ATP6V0A1: variants seen among roughly 807,000 people sequenced by gnomAD.
The protein encoded by ATP6V0A1 is V-type proton ATPase 116 kDa subunit a 1.
A neutral mutation model predicts 105.4 loss-of-function variants in ATP6V0A1; 43 were observed. The ratio of observed to expected loss-of-function variants is 0.41; its 90% CI spans 0.32 to 0.53. ATP6V0A1 has a LOEUF of 0.53. Among genes scored for constraint, ATP6V0A1 ranks in the 20% least tolerant of loss-of-function variants. The pLI, the probability that ATP6V0A1 is intolerant of heterozygous loss-of-function variation, is 0.30. For synonymous variants in ATP6V0A1, 362 were observed against 372.8 expected (o/e 0.97, Z 0.33); for missense variants, 676 against 1,051.1 (o/e 0.64, Z 4.93).
chr17:42,518,566 G>A (rs545966653), intron 21 of ATP6V0A1: 2 of 152,468 alleles, frequency 1.3e-5, no homozygotes, highest in East Asian at 1.9e-4. Context: ...GGGAAGGGAA[G>A]CGGCCCCAAG....
chr17:42,484,286 T>C (rs1245120180), intron 9 of ATP6V0A1, among the ~76,000 whole-genome samples: 1 of 152,006 alleles, frequency 6.6e-6, no homozygotes, highest in Non-Finnish European at 1.5e-5. Context: ...CTCGATCTCC[T>C]GACCGTGTGA....
intron 17 of ATP6V0A1, among the ~76,000 whole-genome samples, chr17:42,502,612 T>C (rs1270610040): frequency 2.0e-5 from 3 of 152,152 alleles, no homozygotes; most frequent in African/African-American, 7.2e-5. Context: ...ACGATCTTGT[T>C]GCATGACTCT....
At position 42,521,025 on chromosome 17, in the gene ATP6V0A1, A is replaced by G; in HGVS notation, c.2421-2A>G. 1.9e-6 allele frequency: 3 copies of G among 1,592,268 alleles called. No homozygotes were observed. Among genetic ancestry groups the G allele is most frequent in the Non-Finnish European group, 2.6e-6 (3 of 1,169,668 alleles). ...GACAGCTTTCTTCTTCTCTTTCTCC[A>G]GGGTTGAGTTCCAGAATAAATTCTA... On this transcript the variant is annotated splice_acceptor_variant, in intron 21 of 21. Coordinates refer to ENST00000343619, the MANE Select transcript of ATP6V0A1 (RefSeq NM_001130021.3). LOFTEE classifies it high-confidence loss of function. The surrounding 1 kb of genome is among the most constrained non-coding windows in gnomAD (Gnocchi z 4.8).
In ATP6V0A1 at chr17:42,516,448, T is replaced by C. The variant is rs139654618; in HGVS notation, c.2420+1988T>C. 6.4e-4 allele frequency among the ~76,000 whole-genome samples: 97 copies of C among 152,276 alleles called. No individual in the cohort carries two copies. In the Middle Eastern group the frequency reaches 0.01, roughly 16 times the overall value. ...CCCCACCCAGCTCATCTGGCTGGCC[T>C]CCCTGTTCTAAGCTTATCAGCCGAC... On this transcript the variant is annotated intron_variant, in intron 21 of 21. Transcript: ENST00000343619.
chr17:42,494,785 G>A (rs11651671), intron 12 of ATP6V0A1: 115,441 of 472,276 alleles, frequency 0.24, 15,842 homozygotes, highest in Non-Finnish European at 0.28. Context: ...AAGTTATTGC[G>A]GTTTTGGCTG....
At chr17:42,464,278 C>T (rs946347446) in intron 2 of ATP6V0A1, among the ~76,000 whole-genome samples, 4 of 152,100 alleles carry the variant, frequency 2.6e-5, no homozygotes, top group East Asian at 1.9e-4. Context: ...AAGACTGGGA[C>T]GTAGCTTATT....
Position 42,483,026 on chromosome 17 carries a change from C to A in ATP6V0A1, c.717-12C>A, listed in dbSNP as rs1227430717. On this transcript the variant is annotated splice_polypyrimidine_tract_variant and intron_variant, in intron 8 of 21. Transcript: ENST00000343619. ...AGATAAGTTAAGAAACTTCGATGTT[C>A]TTATATTCCAGGTTCCGAGCCTCAC... The A allele has an allele frequency of 2.8e-6, 4 of 1,447,630 alleles. No individual in the cohort carries two copies. Among genetic ancestry groups the A allele is most frequent in the Non-Finnish European group, 3.7e-6 (4 of 1,088,838 alleles). The allele number at this position is 1,447,630 out of a possible 1,614,324, so 89.7% of individuals were successfully genotyped here.
chr17:42,472,070 C>T (rs1230813581), intron 5 of ATP6V0A1, among the ~76,000 whole-genome samples: 2 of 128,662 alleles, frequency 1.6e-5, no homozygotes, highest in Non-Finnish European at 1.6e-5. Context: ...TTTTTTTTTC[C>T]CGAGACAAAG....
rs1397986708 is a variant in ATP6V0A1, at chr17:42,519,636, GAGA to G, written c.2421-1388_2421-1386del. ...AGGTGGTCTCAGTAGCTGGAACTTG[GAGA>G]AGTAGTTTTGGTGGGGTGTTGGGAC... On this transcript the variant is annotated intron_variant, in intron 21 of 21. Transcript: ENST00000343619. 7 of 152,352 alleles carry G rather than the reference GAGA, an allele frequency of 4.6e-5. No individual in the cohort carries two copies. The East Asian group carries it at 1.3e-3, about 29-fold the overall frequency. 9.4% of individuals were successfully genotyped at this position (152,352 alleles called of 1,614,324 possible).
At position 42,521,420 on chromosome 17, in the gene ATP6V0A1, C is replaced by T. The variant is rs1294958716; in HGVS notation, c.*300C>T. On this transcript the variant is annotated 3_prime_UTR_variant, in exon 22 of 22. Transcript: ENST00000343619. The surrounding 1 kb of genome is among the most constrained non-coding windows in gnomAD (Gnocchi z 4.8). ...GGTGGTGAGCCAGTCTGCATTCCCA[C>T]GCCATCCCAAAGCCCTTTCATCTTC... The T allele has an allele frequency of 2.1e-5, 5 of 239,870 alleles. No individual in the cohort carries two copies. The highest frequency in any genetic ancestry group is 1.1e-4 in the Admixed American group (2 of 17,732). 14.9% of individuals were successfully genotyped at this position (239,870 alleles called of 1,614,324 possible). A position where few individuals can be genotyped will look rare whatever the true frequency, so the allele number is the denominator to read the frequency against.
At chr17:42,494,625 C>A in intron 12 of ATP6V0A1, 152 bp downstream of exon 12, 2 of 970,062 alleles carry the variant, frequency 2.1e-6, no homozygotes, top group Non-Finnish European at 2.9e-6. Context: ...ACGACATGTG[C>A]AAGCTGGAAG....
intron 15 of ATP6V0A1, among the ~76,000 whole-genome samples, chr17:42,499,480 AAAT>A (rs2091483694): frequency 6.6e-6 from 1 of 150,998 alleles, no homozygotes; most frequent in African/African-American, 2.4e-5. Flanking sequence ...CAAAAAAAAT[AAAT>A]AAATAAATAA....
chr17:42,474,862 A>G (rs1598765752), intron 5 of ATP6V0A1, among the ~76,000 whole-genome samples: 2 of 152,356 alleles, frequency 1.3e-5, no homozygotes, highest in East Asian at 3.9e-4. Context: ...TGAAAAATAA[A>G]CATATTGAAT....
rs1218104452 is a variant in ATP6V0A1, at chr17:42,470,170, G to C, written c.375G>C (p.Leu125=). The C allele has an allele frequency of 6.2e-7, 1 of 1,612,652 alleles. No homozygotes were observed. Among genetic ancestry groups the C allele is most frequent in the African/African-American group, 1.3e-5 (1 of 74,898 alleles). Residue 125 remains leucine, a synonymous_variant, in exon 5 of 22, where the codon CTG becomes CTC. Coordinates refer to ENST00000343619, the MANE Select transcript of ATP6V0A1 (RefSeq NM_001130021.3). ...CTCTGAAGAGAAACTTCCTGGAACT[G>C]ACCGAATTAAAATTTATACTTCGCA... The part of the protein sequence containing the change: ...QEALKRNFLE[L]TELKFILRKT...
intron 9 of ATP6V0A1, among the ~76,000 whole-genome samples, chr17:42,486,927 A>G (rs939467734): frequency 3.3e-5 from 5 of 152,158 alleles, no homozygotes; most frequent in Admixed American, 3.3e-4. Context: ...GAAAAGCTAA[A>G]CTATTTTCTC....
intron 9 of ATP6V0A1, among the ~76,000 whole-genome samples, chr17:42,486,013 TC>T (rs1290802726): frequency 1.3e-5 from 2 of 152,194 alleles, no homozygotes; most frequent in Non-Finnish European, 2.9e-5. Context: ...ACTGCTTTGT[TC>T]TGAACTAACT....
chr17:42,508,223 G>A (rs1014950774), intron 18 of ATP6V0A1, among the ~76,000 whole-genome samples: 1 of 152,126 alleles, frequency 6.6e-6, no homozygotes, highest in Non-Finnish European at 1.5e-5. Context: ...CAAAGCCTCT[G>A]AACTGAACTA....
rs1409493822 is a variant in ATP6V0A1 at position 42,494,326 on chromosome 17, C to T, written c.1175-8C>T. 2 of 1,600,720 alleles carry T rather than the reference C, an allele frequency of 1.2e-6. No individual in the cohort carries two copies. The highest frequency in any genetic ancestry group is 1.7e-5 in the Admixed American group (1 of 57,458). On this transcript the variant is annotated splice_polypyrimidine_tract_variant and splice_region_variant and intron_variant, in intron 11 of 21. Transcript: ENST00000343619. ...CTTTGTATTTTTCTTTTTTTGGTTT[C>T]TTCATAGCTCCGTATACTATTATCA...
chr17:42,470,521 T>G (rs943292223), intron 5 of ATP6V0A1: 2 of 250,218 alleles, frequency 8.0e-6, no homozygotes, highest in Non-Finnish European at 1.6e-5. Context: ...ACTTATAAGG[T>G]AAGTATATGC....
Sources: allele counts gnomAD v4.1 joint callset (sites outside exome capture counted in the v4.1 genomes callset), GRCh38; gene constraint gnomAD v4.1.1; non-coding constraint Gnocchi (gnomAD v3.1); transcripts MANE v1.5; gene names NCBI Gene and HGNC (gene_info 2026-07-23, HGNC 2026-07-21).